The following UACA variants were observed in gnomAD, a reference collection of about 807,000 sequenced individuals.
UACA encodes the protein uveal autoantigen with coiled-coil domains and ankyrin repeats, also known as nuclear membrane binding protein.
A neutral mutation model predicts 160.5 loss-of-function variants in UACA; 112 were observed. The ratio of observed to expected loss-of-function variants is 0.70; its 90% CI spans 0.60 to 0.82. The LOEUF is 0.82. Among genes scored for constraint, UACA ranks in the 40% least tolerant of loss-of-function variants. The pLI is 0.00. For synonymous variants in UACA, 557 were observed against 568.4 expected, an observed-to-expected ratio of 0.98 and a Z score of 0.29; for missense variants, 1,574 against 1,614.6, an observed-to-expected ratio of 0.97 and a Z score of 0.43.
In UACA at chr15:70,667,801, C is replaced by G. The variant is rs771459849; in HGVS notation, c.2883G>C (p.Val961=). Residue 961 remains valine (V), a synonymous_variant, in exon 16 of 19, where the codon GTG becomes GTC. Coordinates refer to ENST00000322954, the MANE Select transcript of UACA (RefSeq NM_018003.4). Reference sequence around the variant, plus strand: ...GGGCTTTAATTTCGGCATGCAGTGTCACAATCTCTTCTTGGCCTTTTCTGT... The same window carrying G: ...GGGCTTTAATTTCGGCATGCAGTGTGACAATCTCTTCTTGGCCTTTTCTGT... The part of the protein sequence containing the change: ...ANYRKGQEEI[V]TLHAEIKAQK... The G allele has an allele frequency of 6.2e-7, 1 of 1,614,020 alleles. No homozygotes were observed. The highest frequency in any genetic ancestry group is 8.5e-7 in the Non-Finnish European group (1 of 1,180,006).
In UACA at chr15:70,667,587, A is replaced by T. The variant is rs762493874; in HGVS notation, c.3097T>A (p.Leu1033Ile). 6 of 1,612,958 alleles carry T rather than the reference A, an allele frequency of 3.7e-6. No homozygotes were observed. The South Asian group carries it at 6.6e-5, about 18-fold the overall frequency. Reference sequence around the variant, plus strand: ...TGAAGGGTAAAAATCTCCTTCTTTAACTTGTCATTCTCTTGCTTGTTTTTC... The same window carrying T: ...TGAAGGGTAAAAATCTCCTTCTTTATCTTGTCATTCTCTTGCTTGTTTTTC... ...VKKNKQENDK[L>I]KKEIFTLQKD... Residue 1033 changes from leucine to isoleucine, a missense_variant, in exon 16 of 19, where the codon TTA (leucine) becomes ATA (isoleucine). Coordinates refer to ENST00000322954, the MANE Select transcript of UACA (RefSeq NM_018003.4).
chr15:70,766,217 G>A (rs1424016181), upstream of UACA, among the ~76,000 whole-genome samples: 1 of 152,130 alleles, frequency 6.6e-6, no homozygotes, highest in African/African-American at 2.4e-5. Flanking sequence ...AAATAGCACT[G>A]GTCTGAATAT....
chr15:70,743,031 G>A (rs191811575), intron 1 of UACA, among the ~76,000 whole-genome samples: 8 of 152,224 alleles, frequency 5.3e-5, no homozygotes, highest in Admixed American at 2.0e-4. Flanking sequence ...TTACAGGCTC[G>A]TTTGGTTGTT....
At chr15:70,675,629 CTT>C (rs1362089303) in intron 13 of UACA, among the ~76,000 whole-genome samples, 6 of 152,130 alleles carry the variant, frequency 3.9e-5, no homozygotes, top group East Asian at 1.9e-4. Context: ...AGTATGTACT[CTT>C]TGTGTCTGAC....
At chr15:70,727,051 C>T (rs1041152860) in intron 1 of UACA, among the ~76,000 whole-genome samples, 2 of 152,148 alleles carry the variant, frequency 1.3e-5, no homozygotes, top group Non-Finnish European at 2.9e-5. Context: ...ATCTTAAACT[C>T]TAAATTCCTT....
At chr15:70,736,190 G>A (rs900027073) in intron 1 of UACA, among the ~76,000 whole-genome samples, 1 of 152,064 alleles carries the variant, frequency 6.6e-6, no homozygotes, top group Non-Finnish European at 1.5e-5. Context: ...TTTAGAAATA[G>A]TAACACTTAA....
At chr15:70,721,333 A>T (rs1299712661) in intron 1 of UACA, among the ~76,000 whole-genome samples, 1 of 152,156 alleles carries the variant, frequency 6.6e-6, no homozygotes. Flanking sequence ...AAAATATAAA[A>T]CTACAGTTGC....
intron 8 of UACA, 71 bp from the exon 9 acceptor site, chr15:70,682,866 A>G (rs922974131): frequency 1.3e-5 from 12 of 940,372 alleles, no homozygotes; most frequent in Non-Finnish European, 1.9e-5. Flanking sequence ...TTCCCTAACT[A>G]TACAATTGAG....
chr15:70,695,996 T>C (rs1381956739), intron 2 of UACA, among the ~76,000 whole-genome samples: 1 of 152,116 alleles, frequency 6.6e-6, no homozygotes, highest in African/African-American at 2.4e-5. Context: ...GTAAATACAA[T>C]AGTTGTTGGC....
chr15:70,760,003 GTCT>G (rs1235067574), intron 1 of UACA, among the ~76,000 whole-genome samples: 8 of 152,120 alleles, frequency 5.3e-5, no homozygotes, highest in Non-Finnish European at 1.0e-4. Context: ...CTACTGCTGT[GTCT>G]TCTTCAGATA....
intron 1 of UACA, among the ~76,000 whole-genome samples, chr15:70,713,556 TAAG>T (rs1184454969): frequency 1.3e-5 from 2 of 152,142 alleles, no homozygotes; most frequent in Non-Finnish European, 2.9e-5. Context: ...CAGGATGAGA[TAAG>T]AAGGCAGACA....
chr15:70,701,860 A>G (rs1359217220), intron 1 of UACA: 2 of 1,607,690 alleles, frequency 1.2e-6, no homozygotes, highest in Admixed American at 3.4e-5. Context: ...GTTACACTAG[A>G]CTACTGGGAT....
intron 1 of UACA, among the ~76,000 whole-genome samples, chr15:70,724,409 G>C (rs1333248680): frequency 1.3e-5 from 2 of 152,092 alleles, no homozygotes; most frequent in Admixed American, 1.3e-4. Context: ...GAAACTTTAA[G>C]AGCACAGAAC....
chr15:70,686,139 T>C (rs1166075073), intron 7 of UACA, among the ~76,000 whole-genome samples: 1 of 152,020 alleles, frequency 6.6e-6, no homozygotes, highest in Non-Finnish European at 1.5e-5. Context: ...ATCTTTTTTT[T>C]TTTTTTTTAA....
At chr15:70,699,758 A>C in intron 1 of UACA, 98 bp from the exon 2 acceptor site, 1 of 1,308,272 alleles carries the variant, frequency 7.6e-7, no homozygotes. Flanking sequence ...GTACTGCATA[A>C]TACATCACTT....
chr15:70,719,303 G>C (rs1037853303), intron 1 of UACA, among the ~76,000 whole-genome samples: 1 of 152,182 alleles, frequency 6.6e-6, no homozygotes, highest in African/African-American at 2.4e-5. Context: ...CATAAACCCA[G>C]GGCAAAGACC....
At chr15:70,712,747 G>A (rs1194852706) in intron 1 of UACA, among the ~76,000 whole-genome samples, 1 of 152,176 alleles carries the variant, frequency 6.6e-6, no homozygotes. Context: ...AATGATTAAA[G>A]AATCCTGTTG....
chr15:70,655,151 C>T lies in UACA; in HGVS notation c.*1905G>A, dbSNP rs866570959. 3 of 152,170 alleles carry T rather than the reference C, an allele frequency of 2.0e-5. No individual in the cohort carries two copies. Among genetic ancestry groups the T allele is most frequent in the Non-Finnish European group, 4.4e-5 (3 of 68,040 alleles). The allele number at this position is 152,170 out of a possible 1,614,324, so 9.4% of individuals were successfully genotyped here. On this transcript the variant is annotated 3_prime_UTR_variant, in exon 19 of 19. Transcript: ENST00000322954. The stretch of plus-strand genomic sequence containing the variant: ...ATGGTTGAAAACAAAATAAAATACA[C>T]ATAAGGTTCCCTTCCCATCTCTAAT...
At chr15:70,703,094 CT>C (rs1275920238) in intron 1 of UACA, 347 of 1,288,504 alleles carry the variant, frequency 2.7e-4, no homozygotes, top group Non-Finnish European at 3.2e-4. Flanking sequence ...GATAACTTCT[CT>C]GCATTCTCTA....
Sources: gnomAD v4.1 joint callset for allele counts (sites outside exome capture counted in the v4.1 genomes callset) on GRCh38, gnomAD v4.1.1 for gene constraint, MANE v1.5 for transcripts, NCBI Gene and HGNC (gene_info 2026-07-23, HGNC 2026-07-21) for gene names.